Variants in PCDH17 observed in about 807,000 individuals in gnomAD.
PCDH17 encodes protocadherin-17.
Under a neutral mutation model 67.7 loss-of-function variants are expected in PCDH17, and 21 were observed. The observed-to-expected ratio is 0.31, with a 90% CI of 0.22 to 0.45. The LOEUF (loss-of-function observed/expected upper bound fraction) is 0.45. PCDH17 is among the 20% of genes least tolerant of loss of function. PCDH17 has a pLI of 1.00. For missense variants in PCDH17, 1,471 were observed against 1,564.8 expected (o/e 0.94, Z 1.01); for synonymous variants, 701 against 656.7 (o/e 1.07, Z -1.03).
chr13:57,697,403 G>A (rs1955620580), intron 3 of PCDH17, among the ~76,000 whole-genome samples: 1 of 151,508 alleles, frequency 6.6e-6, no homozygotes, highest in Non-Finnish European at 1.5e-5. Context: ...TGTGTTAACA[G>A]GTTTAACATC....
rs140617867 is a variant in PCDH17, at chr13:57,689,994, G to A, written c.2797+23161G>A. Among the ~76,000 whole-genome samples, 751 of 151,836 alleles carry A rather than the reference G, an allele frequency of 4.9e-3. 9 individuals are homozygous for A. The highest frequency in any genetic ancestry group is 0.014 in the African/African-American group (590 of 41,492). On this transcript the variant is annotated intron_variant, in intron 3 of 3. Coordinates refer to ENST00000377918, the MANE Select transcript of PCDH17 (RefSeq NM_001040429.3). ...ATAGAAGCAAAATTATTGTTTTAAAGGATGTGAATATTTTTAAATGTTCTT... is the reference window on the plus strand; with the variant it reads ...ATAGAAGCAAAATTATTGTTTTAAAAGATGTGAATATTTTTAAATGTTCTT...
chr13:57,725,530 T>G lies in PCDH17; in HGVS notation c.*236T>G. Reference sequence around the variant, plus strand: ...GTATTAGGACAGAATTAATGATGCTTAAAGAGAAAAGAAAAAAAGAGAGAA... The same window carrying G: ...GTATTAGGACAGAATTAATGATGCTGAAAGAGAAAAGAAAAAAAGAGAGAA... On this transcript the variant is annotated 3_prime_UTR_variant, in exon 4 of 4. Coordinates refer to ENST00000377918, the MANE Select transcript of PCDH17 (RefSeq NM_001040429.3). The G allele has an allele frequency of 4.8e-6, 2 of 420,646 alleles. No individual in the cohort carries two copies. The highest frequency in any genetic ancestry group is 4.0e-5 in the Admixed American group (1 of 25,192). The allele number at this position is 420,646 out of a possible 1,614,324, so 26.1% of individuals were successfully genotyped here. A position where few individuals can be genotyped will look rare whatever the true frequency, so the allele number is the denominator to read the frequency against.
chr13:57,680,094 C>A (rs1428300476), intron 3 of PCDH17, among the ~76,000 whole-genome samples: 1 of 151,102 alleles, frequency 6.6e-6, no homozygotes, highest in Non-Finnish European at 1.5e-5. Flanking sequence ...GATATCAACT[C>A]TCTATTGATC....
At chr13:57,716,570 G>A (rs1444233791) in intron 3 of PCDH17, among the ~76,000 whole-genome samples, 2 of 151,814 alleles carry the variant, frequency 1.3e-5, no homozygotes, top group Non-Finnish European at 2.9e-5. Flanking sequence ...CTTGCATAAA[G>A]CCTTTCACAA....
At chr13:57,666,908 C>A in intron 3 of PCDH17, 75 bp downstream of exon 3, 1 of 1,088,526 alleles carries the variant, frequency 9.2e-7, no homozygotes, top group Non-Finnish European at 1.3e-6. Flanking sequence ...TCTAGAGTTG[C>A]AGTTTATCAC....
At chr13:57,640,667 A>G (rs1027484142) in intron 1 of PCDH17, among the ~76,000 whole-genome samples, 6 of 152,036 alleles carry the variant, frequency 3.9e-5, no homozygotes. Context: ...TATGTAGACG[A>G]AGAGAAACAA....
At position 57,634,521 on chromosome 13, in the gene PCDH17, G is replaced by A. The variant is rs776734694; in HGVS notation, c.1975G>A (p.Val659Met). The change falls in exon 1 of 4, where the codon GTG becomes ATG. Residue 659 changes from valine (V) to methionine (M), a missense_variant. Physicochemically the swap from Val to Met is conservative, Grantham distance 21. Coordinates refer to ENST00000377918, the MANE Select transcript of PCDH17 (RefSeq NM_001040429.3). The surrounding 1 kb of genome is among the most constrained non-coding windows in gnomAD (Gnocchi z 7.8). The stretch of plus-strand genomic sequence containing the variant: ...TTTCTGGGAGGACGTGACGCCCGTG[G>A]TGGAGCTGGTGGTGAAGGTGACCGA... ...HPFWEDVTPV[V>M]ELVVKVTDHG... 1.1e-5 allele frequency: 17 copies of A among 1,613,002 alleles called. No individual in the cohort carries two copies. The highest frequency in any genetic ancestry group is 2.2e-5 in the South Asian group (2 of 91,072).
At chr13:57,708,689 T>G (rs1955744051) in intron 3 of PCDH17, among the ~76,000 whole-genome samples, 1 of 151,994 alleles carries the variant, frequency 6.6e-6, no homozygotes, top group South Asian at 2.1e-4. Context: ...CTGTTATTAA[T>G]TGTTCAACCT....
intron 3 of PCDH17, among the ~76,000 whole-genome samples, chr13:57,681,224 A>T (rs1011337648): frequency 1.3e-5 from 2 of 151,616 alleles, no homozygotes; most frequent in East Asian, 3.9e-4. Context: ...CCTTTTACTT[A>T]TTTACAATCT....
intron 1 of PCDH17, among the ~76,000 whole-genome samples, chr13:57,662,873 C>A (rs1955200433): frequency 6.6e-6 from 1 of 152,060 alleles, no homozygotes; most frequent in South Asian, 2.1e-4. Flanking sequence ...TGCTTGCTCA[C>A]TTGTTTATTT....
Position 57,684,102 on chromosome 13 carries a change from G to A in PCDH17, c.2797+17269G>A, listed in dbSNP as rs184687000. Among the ~76,000 whole-genome samples, 225 of 151,880 alleles carry A rather than the reference G, an allele frequency of 1.5e-3. 1 individual carries two copies. Among genetic ancestry groups the A allele is most frequent in the African/African-American group, 5.0e-3 (207 of 41,498 alleles). On this transcript the variant is annotated intron_variant, in intron 3 of 3. Transcript: ENST00000377918. ...TTAAAAGAACGACTCTCCAGAGGCC[G>A]GAGTTTTCCAGGTTTCTTTCTTTCA...
chr13:57,631,018 T>C (rs1459299065), upstream of PCDH17, among the ~76,000 whole-genome samples: 2 of 152,088 alleles, frequency 1.3e-5, no homozygotes, highest in African/African-American at 4.8e-5. Context: ...GCCGCAGCTC[T>C]GCACCCCCTG....
chr13:57,666,976 G>A, intron 3 of PCDH17, 143 bp downstream of exon 3: 2 of 610,596 alleles, frequency 3.3e-6, no homozygotes, highest in East Asian at 3.2e-5. Context: ...GGTTGCCCCA[G>A]AAAAAAAGCA....
In PCDH17 at chr13:57,633,891, T is replaced by C. The variant is rs1954774072; in HGVS notation, c.1345T>C (p.Ser449Pro). ...NVTIVARDGG[S>P]PPLNSTKSFA... is the part of the protein sequence containing the mutation. ...GACCATCGTGGCGCGGGACGGGGGC[T>C]CTCCTCCCCTCAACTCCACCAAGTC... Residue 449 changes from serine (S) to proline (P), a missense_variant, in exon 1 of 4, where the codon TCT (serine) becomes CCT (proline). Transcript: ENST00000377918. This position sits in a 1 kb window ranked among gnomAD's most constrained non-coding sequence, Gnocchi z 6.2. 4 of 1,612,874 alleles carry C rather than the reference T, an allele frequency of 2.5e-6. No individual in the cohort carries two copies. The highest frequency in any genetic ancestry group is 3.4e-6 in the Non-Finnish European group (4 of 1,180,004).
intron 1 of PCDH17, among the ~76,000 whole-genome samples, chr13:57,643,953 A>G (rs76245725): frequency 0.015 from 2,263 of 151,900 alleles, 65 homozygotes; most frequent in African/African-American, 0.052. Flanking sequence ...CATAGAATGC[A>G]TTTATCATTT....
At chr13:57,710,597 A>G (rs1390058710) in intron 3 of PCDH17, among the ~76,000 whole-genome samples, 1 of 151,914 alleles carries the variant, frequency 6.6e-6, no homozygotes, top group East Asian at 1.9e-4. Context: ...AGCTCAACAT[A>G]TTATACCATT....
chr13:57,648,048 C>T (rs1263210462), intron 1 of PCDH17, among the ~76,000 whole-genome samples: 2 of 151,872 alleles, frequency 1.3e-5, no homozygotes, highest in Admixed American at 6.6e-5. Flanking sequence ...TTAAACTTGA[C>T]ATTTATGTTA....
intron 3 of PCDH17, among the ~76,000 whole-genome samples, chr13:57,721,445 T>C (rs574436810): frequency 1.3e-5 from 2 of 152,234 alleles, no homozygotes; most frequent in East Asian, 1.9e-4. Context: ...TAGCTTATAA[T>C]TTAACATATC....
At chr13:57,630,160 G>A (rs1202163204), upstream of PCDH17, among the ~76,000 whole-genome samples, 1 of 152,200 alleles carries the variant, frequency 6.6e-6, no homozygotes, top group Non-Finnish European at 1.5e-5. Context: ...CGGCGGATGC[G>A]GCAGCGGCGG....
Sources: gnomAD v4.1 joint callset for allele counts (sites outside exome capture counted in the v4.1 genomes callset) on GRCh38, gnomAD v4.1.1 for gene constraint, Gnocchi (gnomAD v3.1) non-coding constraint, MANE v1.5 for transcripts, NCBI Gene and HGNC (gene_info 2026-07-23, HGNC 2026-07-21) for gene names.